Variants in CACNA2D4 observed in about 807,000 individuals in gnomAD.
The protein encoded by CACNA2D4 is calcium voltage-gated channel auxiliary subunit alpha2delta 4, also known as voltage-dependent calcium channel subunit alpha-2/delta-4.
In CACNA2D4, 157 loss-of-function variants were observed where a neutral mutation model predicts 163.8. The ratio of observed to expected loss-of-function variants is 0.96; its 90% confidence interval spans 0.84 to 1.09. CACNA2D4 has a LOEUF of 1.09. CACNA2D4 is among the 50% of genes least tolerant of loss of function. CACNA2D4 has a pLI of 0.00. For missense variants in CACNA2D4, 1,410 were observed against 1,479.9 expected, an observed-to-expected ratio of 0.95 and a Z score of 0.78; for synonymous variants, 598 against 586.9, an observed-to-expected ratio of 1.02 and a Z score of -0.27.
chr12:1,878,453 C>G lies in CACNA2D4; in HGVS notation c.1645-64G>C. 1.3e-6 allele frequency: 2 copies of G among 1,555,086 alleles called. No individual in the cohort carries two copies. Among genetic ancestry groups the G allele is most frequent in the South Asian group, 2.4e-5 (2 of 84,296 alleles). The stretch of plus-strand genomic sequence containing the variant: ...TTTGTGCTGGGCATCTGGAGTTGGG[C>G]AGGGGTTTGGGGGCCACAGGACGGT... On this transcript the variant is annotated intron_variant, in intron 15 of 37. Coordinates refer to ENST00000382722, the MANE Select transcript of CACNA2D4 (RefSeq NM_172364.5). This position sits in a 1 kb window ranked among gnomAD's most constrained non-coding sequence, Gnocchi z 4.6.
Position 1,793,565 on chromosome 12 carries a change from T to C in CACNA2D4, c.*90A>G. ...AGCGTTGGCCTGGGGGCGACCCAAC[T>C]GCAGTTAGCTGCATCCCATGTCAGT... is the stretch of plus-strand genomic sequence containing the variant. On this transcript the variant is annotated 3_prime_UTR_variant, in exon 38 of 38. Transcript: ENST00000382722. The C allele has an allele frequency of 8.7e-7, 1 of 1,147,704 alleles. No homozygotes were observed. The highest frequency in any genetic ancestry group is 1.3e-6 in the Non-Finnish European group (1 of 764,316). The allele number at this position is 1,147,704 out of a possible 1,614,324, so 71.1% of individuals were successfully genotyped here.
chr12:1,887,133 G>T, intron 6 of CACNA2D4, 64 bp from the exon 7 acceptor site: 1 of 1,182,816 alleles, frequency 8.5e-7, no homozygotes, highest in Non-Finnish European at 1.2e-6. Context: ...CCCTGGCTGG[G>T]TGTGGACCCC....
chr12:1,831,760 C>T (rs1864643126), intron 26 of CACNA2D4, among the ~76,000 whole-genome samples: 1 of 150,734 alleles, frequency 6.6e-6, no homozygotes, highest in Non-Finnish European at 1.5e-5. Flanking sequence ...CCCACCCTCC[C>T]CTCCCTGCTC....
intron 29 of CACNA2D4, chr12:1,809,416 C>G (rs1863637577): frequency 1.6e-6 from 1 of 640,844 alleles, no homozygotes; most frequent in African/African-American, 1.8e-5. Flanking sequence ...AGTAGCAAAG[C>G]TCACACAGAA....
At chr12:1,836,544 ACCC>A (rs1303279149) in intron 26 of CACNA2D4, 1 of 151,448 alleles carries the variant, frequency 6.6e-6, no homozygotes. Context: ...GCTTACTGGG[ACCC>A]CAGGCGGCCC....
rs918798601 is a variant in CACNA2D4 at position 1,840,388 on chromosome 12, G to A, written c.2551+351C>T. ...TGCCTCAGTAATGCTCTATTAACCC[G>A]CAGGAAGTGTTTCTCAAGAGAAGCT... is the stretch of plus-strand genomic sequence containing the variant. On this transcript the variant is annotated intron_variant, in intron 26 of 37. Coordinates refer to ENST00000382722, the MANE Select transcript of CACNA2D4 (RefSeq NM_172364.5). 5.5e-5 allele frequency among the ~76,000 whole-genome samples: 8 copies of A among 144,780 alleles called. No individual in the cohort carries two copies. The South Asian group carries it at 6.6e-4, about 12-fold the overall frequency. 95.0% of individuals were successfully genotyped at this position (144,780 alleles called of 152,430 possible).
rs931672825 is a variant in CACNA2D4 at position 1,869,659 on chromosome 12, G to T, written c.1878+4945C>A. On this transcript the variant is annotated intron_variant, in intron 18 of 37. Transcript: ENST00000382722. This position sits in a 1 kb window ranked among gnomAD's most constrained non-coding sequence, Gnocchi z 4.7. ...AATGACTTCAAGCTCACCATTGGAT[G>T]CAGACACCAGCTTTCCATAGATTTC... Among the ~76,000 whole-genome samples the T allele has an allele frequency of 1.3e-5, 2 of 152,200 alleles. No individual in the cohort carries two copies. Among genetic ancestry groups the T allele is most frequent in the African/African-American group, 4.8e-5 (2 of 41,440 alleles).
chr12:1,918,077 C>T (rs1033526144), intron 1 of CACNA2D4, 170 bp downstream of exon 1: 8 of 604,336 alleles, frequency 1.3e-5, no homozygotes, highest in East Asian at 3.0e-5. Context: ...AAGAGGAGGC[C>T]GGAGAAGCAA....
intron 29 of CACNA2D4, among the ~76,000 whole-genome samples, chr12:1,804,120 A>AGTGT (rs1863433111): frequency 8.5e-6 from 1 of 117,184 alleles, no homozygotes; most frequent in Non-Finnish European, 1.8e-5. Flanking sequence ...TATTCTAGTT[A>AGTGT]CTGTGTGTGT....
chr12:1,847,691 A>G (rs1865180250), intron 23 of CACNA2D4, among the ~76,000 whole-genome samples: 1 of 152,198 alleles, frequency 6.6e-6, no homozygotes, highest in South Asian at 2.1e-4. Context: ...GTAAAAGCAG[A>G]GAGAATGGGC....
intron 26 of CACNA2D4, among the ~76,000 whole-genome samples, chr12:1,814,727 A>C (rs1254289089): frequency 6.6e-6 from 1 of 152,180 alleles, no homozygotes; most frequent in Non-Finnish European, 1.5e-5. Flanking sequence ...TGGCCAAGCC[A>C]ACATTGCTCT....
chr12:1,840,517 C>A (rs1864994915), intron 26 of CACNA2D4, among the ~76,000 whole-genome samples: 1 of 152,166 alleles, frequency 6.6e-6, no homozygotes, highest in South Asian at 2.1e-4. Flanking sequence ...CTCCTAGCCT[C>A]TCTGGGCTTC....
intron 23 of CACNA2D4, among the ~76,000 whole-genome samples, chr12:1,853,067 C>T (rs1260781148): frequency 1.3e-5 from 2 of 152,154 alleles, no homozygotes; most frequent in African/African-American, 4.8e-5. Context: ...TTCAAAATTA[C>T]ACCAACATGT....
intron 6 of CACNA2D4, among the ~76,000 whole-genome samples, chr12:1,907,191 G>A (rs1163257818): frequency 1.3e-5 from 2 of 152,204 alleles, no homozygotes; most frequent in Admixed American, 6.5e-5. Flanking sequence ...AGCTTCATGT[G>A]GGCATTCATT....
chr12:1,913,315 A>C (rs1031722078), intron 2 of CACNA2D4, among the ~76,000 whole-genome samples, 176 bp from the exon 3 acceptor site: 1 of 152,206 alleles, frequency 6.6e-6, no homozygotes, highest in Admixed American at 6.5e-5. Context: ...CAGTGATAGA[A>C]TAGCTGCCTC....
At chr12:1,902,018 A>G (rs1866549776) in intron 6 of CACNA2D4, among the ~76,000 whole-genome samples, 2 of 152,168 alleles carry the variant, frequency 1.3e-5, no homozygotes, top group African/African-American at 4.8e-5. Flanking sequence ...ATCATTCATC[A>G]TGACTAAGAG....
Position 1,820,001 on chromosome 12 carries a change from T to A in CACNA2D4, c.2552-8278A>T, listed in dbSNP as rs1287214485. 1.3e-5 allele frequency among the ~76,000 whole-genome samples: 2 copies of A among 152,100 alleles called. No individual in the cohort carries two copies. Among genetic ancestry groups the A allele is most frequent in the African/African-American group, 4.8e-5 (2 of 41,398 alleles). On this transcript the variant is annotated intron_variant, in intron 26 of 37. Coordinates refer to ENST00000382722, the MANE Select transcript of CACNA2D4 (RefSeq NM_172364.5). This position sits in a 1 kb window ranked among gnomAD's most constrained non-coding sequence, Gnocchi z 6.0. Reference sequence around the variant, plus strand: ...GGGCTCAGGGCCCTTTCCTGTAGGGTCATCTGGCACATGGACATGCCTGTG... The same window carrying A: ...GGGCTCAGGGCCCTTTCCTGTAGGGACATCTGGCACATGGACATGCCTGTG...
intron 18 of CACNA2D4, among the ~76,000 whole-genome samples, chr12:1,870,292 T>G (rs1323278369): frequency 6.6e-6 from 1 of 152,152 alleles, no homozygotes; most frequent in African/African-American, 2.4e-5. Flanking sequence ...ACCTCGAGGC[T>G]TCCCTGTGTC....
chr12:1,814,933 AG>A (rs1863827973), intron 26 of CACNA2D4, among the ~76,000 whole-genome samples: 1 of 152,220 alleles, frequency 6.6e-6, no homozygotes, highest in African/African-American at 2.4e-5. Context: ...TCTGTCACCC[AG>A]GCTGGAGTGC....
Sources: gnomAD v4.1 joint callset for allele counts (sites outside exome capture counted in the v4.1 genomes callset) on GRCh38, gnomAD v4.1.1 for gene constraint, Gnocchi (gnomAD v3.1) non-coding constraint, MANE v1.5 for transcripts, NCBI Gene and HGNC (gene_info 2026-07-23, HGNC 2026-07-21) for gene names.